Variants in PORCN observed in about 807,000 individuals in gnomAD.
The protein encoded by PORCN is porcupine O-acyltransferase, also known as protein-serine O-palmitoleoyltransferase porcupine.
A neutral mutation model predicts 43.0 loss-of-function variants in PORCN; 1 was observed. The observed-to-expected ratio is 0.02, with a 90% CI of 0.01 to 0.11. The LOEUF is 0.11. PORCN is among the 10% of genes least tolerant of loss of function. The pLI is 1.00. For missense variants in PORCN, 240 were observed against 392.1 expected (o/e 0.61, Z 3.28); for synonymous variants, 148 against 166.4 (o/e 0.89, Z 0.85).
intron 13 of PORCN, among the ~76,000 whole-genome samples, chrX:48,516,487 A>G (rs185655199): frequency 8.9e-6 from 1 of 111,788 alleles, no homozygotes; most frequent in Admixed American, 9.6e-5. Flanking sequence ...TGAGTCAGTA[A>G]AGTCTAATAA....
intron 10 of PORCN, chrX:48,515,335 C>G: frequency 7.1e-6 from 2 of 280,900 alleles, no homozygotes; most frequent in Non-Finnish European, 1.3e-5. Flanking sequence ...AGGCCGCTGC[C>G]ATCATCCAGG....
intron 4 of PORCN, 76 bp downstream of exon 4, chrX:48,512,011 C>G: frequency 1.2e-6 from 1 of 808,757 alleles, no homozygotes; most frequent in Non-Finnish European, 1.9e-6. Context: ...CCACCCTGTG[C>G]CTTTCCTCTC....
chrX:48,519,593 C>T (rs1373961053), intron 14 of PORCN, among the ~76,000 whole-genome samples: 1 of 112,258 alleles, frequency 8.9e-6, no homozygotes, highest in East Asian at 2.8e-4. Context: ...TTGATAGTCT[C>T]AATGGAGTAG....
In PORCN at chrX:48,509,826, C is replaced by A; in HGVS notation, c.6C>A (p.Ala2=). The change falls in exon 2 of 15, where the codon GCC becomes GCA. Residue 2 remains alanine, a synonymous_variant. Coordinates refer to ENST00000326194, the MANE Select transcript of PORCN (RefSeq NM_203475.3). The part of the protein sequence containing the change: M[A]TFSRQEFFQQ... ...TCCATCCGTGGGGGTCTGCAATGGC[C>A]ACCTTTAGCCGCCAGGAATTTTTCC... is the stretch of plus-strand genomic sequence containing the variant. 2.5e-6 allele frequency: 3 copies of A among 1,211,086 alleles called. No homozygotes were observed. The highest frequency in any genetic ancestry group is 3.4e-6 in the Non-Finnish European group (3 of 895,013).
chrX:48,517,941 G>T (rs2061731340), intron 14 of PORCN, among the ~76,000 whole-genome samples: 1 of 107,564 alleles, frequency 9.3e-6, no homozygotes, highest in Admixed American at 1.0e-4. Context: ...TTGAGACAAG[G>T]TCTGTCACCC....
chrX:48,516,609 T>C (rs1283616605), intron 13 of PORCN, among the ~76,000 whole-genome samples: 1 of 110,443 alleles, frequency 9.1e-6, no homozygotes, highest in Non-Finnish European at 1.9e-5. Flanking sequence ...GCCTCCCTGG[T>C]GAGGTGATGT....
intron 13 of PORCN, among the ~76,000 whole-genome samples, chrX:48,516,976 C>T (rs1294443156): frequency 1.8e-5 from 2 of 111,222 alleles, no homozygotes; most frequent in South Asian, 3.8e-4. Flanking sequence ...ACCCAGGATG[C>T]CCTCACTGTG....
chrX:48,513,731 G>A (rs1196919230), intron 7 of PORCN, among the ~76,000 whole-genome samples: 1 of 112,353 alleles, frequency 8.9e-6, no homozygotes, highest in Non-Finnish European at 1.9e-5. Flanking sequence ...ACAGCAGGGT[G>A]TTTGATGGTC....
rs969004771 is a variant in PORCN, at chrX:48,514,607, T to A, written c.928T>A (p.Ser310Thr). Residue 310 changes from serine (S) to threonine (T), a missense_variant, in exon 10 of 15, where the codon TCT becomes ACT. Physicochemically the swap from Ser to Thr is moderately conservative, Grantham distance 58. Transcript: ENST00000326194. ...EVVTSWNLPM[S>T]YWLNNYVFKN... is the part of the protein sequence containing the mutation. ...TGTCACAAGCTGGAACCTGCCCATG[T>A]CTTATTGGCTAAATAACTGTGAGTC... The A allele has an allele frequency of 2.0e-5, 24 of 1,206,122 alleles. No homozygotes were observed. The highest frequency in any genetic ancestry group is 2.6e-5 in the Non-Finnish European group (23 of 891,409).
At chrX:48,518,382 G>A (rs1240228596) in intron 14 of PORCN, among the ~76,000 whole-genome samples, 1 of 109,996 alleles carries the variant, frequency 9.1e-6, no homozygotes, top group African/African-American at 3.3e-5. Context: ...CACCATGCTG[G>A]GCTAATTTTT....
At chrX:48,515,850 C>G in intron 11 of PORCN, 40 bp from the exon 12 acceptor site, 1 of 1,206,043 alleles carries the variant, frequency 8.3e-7, no homozygotes, top group East Asian at 3.0e-5. Flanking sequence ...GTGGCAGGGC[C>G]TCTTCCTCAC....
intron 3 of PORCN, 30 bp from the exon 4 acceptor site, chrX:48,511,862 T>A: frequency 8.3e-7 from 1 of 1,202,052 alleles, no homozygotes; most frequent in Non-Finnish European, 1.1e-6. Flanking sequence ...ATGAGTGTCA[T>A]GGGACCAAGA....
intron 14 of PORCN, among the ~76,000 whole-genome samples, 199 bp downstream of exon 14, chrX:48,517,492 T>C (rs2061727210): frequency 9.0e-6 from 1 of 111,545 alleles, no homozygotes; most frequent in Non-Finnish European, 1.9e-5. Flanking sequence ...TTGGGTGAAG[T>C]GTGCAAAATA....
chrX:48,512,471 C>T lies in PORCN; in HGVS notation c.519C>T (p.Phe173=). The change falls in exon 5 of 15, where the codon TTC becomes TTT. Residue 173 remains phenylalanine, a synonymous_variant. Coordinates refer to ENST00000326194, the MANE Select transcript of PORCN (RefSeq NM_203475.3). The stretch of plus-strand genomic sequence containing the variant: ...TCGTCTTCGGGCCCTGGATATCCTT[C>T]CACAGCTACCTACAAGCTGTCCAAG... ...GTIVFGPWIS[F]HSYLQAVQGR... is the part of the protein sequence containing the mutation. 8.3e-7 allele frequency: 1 copy of T among 1,207,967 alleles called. No individual in the cohort carries two copies. Among genetic ancestry groups the T allele is most frequent in the East Asian group, 3.0e-5 (1 of 33,689 alleles).
chrX:48,518,019 C>G (rs1455879333), intron 14 of PORCN, among the ~76,000 whole-genome samples: 1 of 108,289 alleles, frequency 9.2e-6, no homozygotes, highest in Non-Finnish European at 1.9e-5. Flanking sequence ...AGCCATCCTT[C>G]TGCCTCAACC....
chrX:48,510,297 G>T (rs1294603577), intron 2 of PORCN, among the ~76,000 whole-genome samples: 1 of 112,058 alleles, frequency 8.9e-6, no homozygotes, highest in East Asian at 2.8e-4. Context: ...TAAGACATTG[G>T]CATGCTGATG....
chrX:48,515,999 G>A (rs782353943), intron 12 of PORCN, 46 bp downstream of exon 12: 1 of 1,203,255 alleles, frequency 8.3e-7, no homozygotes, highest in African/African-American at 1.8e-5. Flanking sequence ...GGTTGGTGGG[G>A]GGGCTGGAGA....
rs1556973869 is a variant in PORCN, at chrX:48,511,433, C to T, written c.275C>T (p.Ser92Phe). 4 of 1,209,330 alleles carry T rather than the reference C, an allele frequency of 3.3e-6. No homozygotes were observed. The highest frequency in any genetic ancestry group is 3.4e-6 in the Non-Finnish European group (3 of 894,938). The change falls in exon 3 of 15, where the codon TCC (serine) becomes TTC (phenylalanine). Residue 92 changes from serine (S) to phenylalanine (F), a missense_variant. By Grantham distance (155) the Ser-to-Phe change is radical. Coordinates refer to ENST00000326194, the MANE Select transcript of PORCN (RefSeq NM_203475.3). ...CYLVLFLCRHSSHRGVFLSVT... is the reference protein window; with the variant it reads ...CYLVLFLCRHFSHRGVFLSVT... ...CTCGTGCTGTTCCTCTGCCGACATT[C>T]CTCCCATCGAGGCGTCTTCCTATCC...
intron 14 of PORCN, among the ~76,000 whole-genome samples, chrX:48,519,721 C>T (rs1364324072): frequency 8.9e-6 from 1 of 112,520 alleles, no homozygotes; most frequent in South Asian, 3.6e-4. Flanking sequence ...GATGGCCGGG[C>T]GGGGTGGCTC....
Sources: allele counts gnomAD v4.1 joint callset (sites outside exome capture counted in the v4.1 genomes callset), GRCh38; gene constraint gnomAD v4.1.1; transcripts MANE v1.5; gene names NCBI Gene and HGNC (gene_info 2026-07-23, HGNC 2026-07-21).